MPV17: variants seen among roughly 807,000 people sequenced by gnomAD.
The protein encoded by MPV17 is mitochondrial inner membrane protein MPV17, also known as MPV17, mitochondrial inner membrane protein.
Under a neutral mutation model 28.6 loss-of-function variants are expected in MPV17, and 31 were observed. The ratio of observed to expected loss-of-function variants is 1.08; its 90% CI spans 0.81 to 1.46. MPV17 has a LOEUF of 1.46. MPV17 is among the 40% of genes most tolerant of loss of function. The pLI, the probability that MPV17 is intolerant of heterozygous loss-of-function variation, is 0.00. For synonymous variants in MPV17, 87 were observed against 85.3 expected (o/e 1.02, Z -0.11); for missense variants, 198 against 216.2 (o/e 0.92, Z 0.53).
intron 7 of MPV17, among the ~76,000 whole-genome samples, chr2:27,310,891 C>A (rs899803695): frequency 2.6e-5 from 4 of 151,596 alleles, no homozygotes; most frequent in African/African-American, 7.3e-5. Flanking sequence ...ACTACAGGCA[C>A]CTGCCACCAC....
intron 6 of MPV17, 28 bp downstream of exon 6, chr2:27,312,186 A>G (rs575516637): frequency 1.2e-6 from 2 of 1,611,500 alleles, no homozygotes; most frequent in Admixed American, 1.7e-5. Context: ...GAAGCAGGAG[A>G]ACAAGCAGTT....
intron 2 of MPV17, chr2:27,316,210 G>A (rs2148219490): frequency 1.3e-6 from 2 of 1,550,944 alleles, no homozygotes; most frequent in Admixed American, 2.0e-5. Flanking sequence ...AGAGAAGTGT[G>A]TGTTTTCACT....
At position 27,312,234 on chromosome 2, in the gene MPV17, C is replaced by G. The variant is rs1382428056; in HGVS notation, c.388G>C (p.Ala130Pro). 2 of 1,614,130 alleles carry G rather than the reference C, an allele frequency of 1.2e-6. No individual in the cohort carries two copies. Among genetic ancestry groups the G allele is most frequent in the South Asian group, 2.2e-5 (2 of 91,080 alleles). The change falls in exon 6 of 8, where the codon GCC (alanine) becomes CCC (proline). Residue 130 changes from alanine to proline, a missense_variant. Transcript: ENST00000380044. ...WAKLQRDYPD[A>P]LITNYYLWPA... Reference sequence around the variant, plus strand: ...CTTACATAGTAGTTGGTGATAAGGGCATCAGGATAATCCTGGGGAGACAGA... The same window carrying G: ...CTTACATAGTAGTTGGTGATAAGGGGATCAGGATAATCCTGGGGAGACAGA...
chr2:27,312,583 A>G lies in MPV17; in HGVS notation c.286T>C (p.Phe96Leu). 1.2e-6 allele frequency: 2 copies of G among 1,614,012 alleles called. No homozygotes were observed. The highest frequency in any genetic ancestry group is 1.7e-6 in the Non-Finnish European group (2 of 1,179,900). ...LKKMLLDQGG[F>L]APCFLGCFLP... ...AAGCAGCCTAGAAAACACGGGGCAAAGCCCCCCTAGGGAAGAGAAATTAAA... is the reference window on the plus strand; with the variant it reads ...AAGCAGCCTAGAAAACACGGGGCAAGGCCCCCCTAGGGAAGAGAAATTAAA... The change falls in exon 5 of 8, where the codon TTT becomes CTT. Residue 96 changes from phenylalanine to leucine, a missense_variant. Coordinates refer to ENST00000380044, the MANE Select transcript of MPV17 (RefSeq NM_002437.5).
At chr2:27,313,180 TCTG>T in intron 2 of MPV17, 71 bp from the exon 3 acceptor site, 1 of 1,609,992 alleles carries the variant, frequency 6.2e-7, no homozygotes, top group South Asian at 1.1e-5. Context: ...GGGAGGGACA[TCTG>T]CTGACCTCCA....
At chr2:27,322,597 G>C (rs1558606298) in intron 1 of MPV17, 75 bp from the exon 2 acceptor site, 1 of 1,211,060 alleles carries the variant, frequency 8.3e-7, no homozygotes, top group African/African-American at 1.5e-5. Context: ...ACATTCCCTT[G>C]TGCCCACTCC....
At position 27,311,445 on chromosome 2, in the gene MPV17, C is replaced by T. The variant is rs1430937931; in HGVS notation, c.461+454G>A. 9.2e-5 allele frequency: 72 copies of T among 782,648 alleles called. 1 individual carries two copies. The East Asian group carries it at 1.6e-3, about 17-fold the overall frequency. The allele number at this position is 782,648 out of a possible 1,614,324, so 48.5% of individuals were successfully genotyped here. A position where few individuals can be genotyped will look rare whatever the true frequency, so the allele number is the denominator to read the frequency against. On this transcript the variant is annotated intron_variant, in intron 7 of 7. Transcript: ENST00000380044. ...CGTTCCATATTTTCCCCTGTTCCCA[C>T]GATCCTTCACCTTCAAGCATTTGAA...
chr2:27,315,908 T>C, intron 2 of MPV17: 1 of 1,432,288 alleles, frequency 7.0e-7, no homozygotes. Flanking sequence ...GATGACTTGG[T>C]AAGGAGTGCA....
intron 2 of MPV17, among the ~76,000 whole-genome samples, chr2:27,320,004 G>A (rs1300511348): frequency 6.6e-6 from 1 of 151,338 alleles, no homozygotes; most frequent in African/African-American, 2.4e-5. Flanking sequence ...TTAGGAGGCC[G>A]AGGCGGGTGA....
chr2:27,310,074 T>C (rs1309727459), intron 7 of MPV17, 93 bp from the exon 8 acceptor site: 8 of 964,840 alleles, frequency 8.3e-6, no homozygotes, highest in South Asian at 1.3e-5. Context: ...GGAGGGATCA[T>C]GACAAAGGAT....
rs1215860971 is a variant in MPV17, at chr2:27,315,188, C to T, written c.71-2079G>A. Among the ~76,000 whole-genome samples, 6 of 152,318 alleles carry T rather than the reference C, an allele frequency of 3.9e-5. No homozygotes were observed. In the South Asian group the frequency reaches 8.3e-4, roughly 21 times the overall value. ...AGGTGCTCAGAAAATAAAGGGAAAA[C>T]GTCAAATGTACTGTCCCAAACAGCA... On this transcript the variant is annotated intron_variant, in intron 2 of 7. Coordinates refer to ENST00000380044, the MANE Select transcript of MPV17 (RefSeq NM_002437.5).
chr2:27,323,083 G>A lies in MPV17; in HGVS notation c.-37C>T, dbSNP rs1468519776. 1.2e-5 allele frequency: 2 copies of A among 162,254 alleles called. No individual in the cohort carries two copies. The highest frequency in any genetic ancestry group is 4.8e-5 in the African/African-American group (2 of 41,524). 10.1% of individuals were successfully genotyped at this position (162,254 alleles called of 1,614,324 possible). ...GCCGAGCCTCCCTCCCACGTGACAG[G>A]CTGGCCTAGGAACTTCCGCCACAAG... On this transcript the variant is annotated 5_prime_UTR_variant, in exon 1 of 8. Transcript: ENST00000380044.
rs1250944084 is a variant in MPV17, at chr2:27,312,156, A to G, written c.408+58T>C. On this transcript the variant is annotated intron_variant, in intron 6 of 7. Coordinates refer to ENST00000380044, the MANE Select transcript of MPV17 (RefSeq NM_002437.5). Reference sequence around the variant, plus strand: ...CATGTCAGGAGGACCCCCCAATCCCAGGACAGTTCTAGACTTAAGGAAGCA... The same window carrying G: ...CATGTCAGGAGGACCCCCCAATCCCGGGACAGTTCTAGACTTAAGGAAGCA... The G allele has an allele frequency of 6.9e-6, 11 of 1,584,586 alleles. 1 individual carries two copies. In the Admixed American group the frequency reaches 1.7e-4, roughly 24 times the overall value.
At chr2:27,314,994 T>A (rs1222722543) in intron 2 of MPV17, among the ~76,000 whole-genome samples, 5 of 152,194 alleles carry the variant, frequency 3.3e-5, no homozygotes, top group Non-Finnish European at 5.9e-5. Context: ...CTACTGGCCA[T>A]GGAGCAGCTC....
rs1352723352 is a variant in MPV17, at chr2:27,317,148, G to A, written c.71-4039C>T. The stretch of plus-strand genomic sequence containing the variant: ...AGTGGCTTCTTGGAGTGAGGAGCAG[G>A]AAGCGTGTCCTTCAGTCCAGGAGGC... On this transcript the variant is annotated intron_variant, in intron 2 of 7. Transcript: ENST00000380044. The surrounding 1 kb of genome is among the most constrained non-coding windows in gnomAD (Gnocchi z 4.0). 1.9e-6 allele frequency: 3 copies of A among 1,550,278 alleles called. No homozygotes were observed. The highest frequency in any genetic ancestry group is 1.2e-5 in the South Asian group (1 of 84,044).
chr2:27,312,575 C>A lies in MPV17; in HGVS notation c.294G>T (p.Pro98=). The change falls in exon 5 of 8, where the codon CCG becomes CCT. Residue 98 remains proline (P), a synonymous_variant. Transcript: ENST00000380044. The part of the protein sequence containing the change: ...KMLLDQGGFA[P]CFLGCFLPLV... ...GTGGGAGAAAGCAGCCTAGAAAACACGGGGCAAAGCCCCCCTAGGGAAGAG... is the reference window on the plus strand; with the variant it reads ...GTGGGAGAAAGCAGCCTAGAAAACAAGGGGCAAAGCCCCCCTAGGGAAGAG... 6.2e-7 allele frequency: 1 copy of A among 1,614,098 alleles called. No individual in the cohort carries two copies. Among genetic ancestry groups the A allele is most frequent in the East Asian group, 2.2e-5 (1 of 44,882 alleles).
At chr2:27,322,419 TC>T in intron 2 of MPV17, 28 bp downstream of exon 2, 1 of 1,598,406 alleles carries the variant, frequency 6.3e-7, no homozygotes, top group Non-Finnish European at 8.6e-7. Context: ...TCTGCCCTGG[TC>T]CCACTCAAGT....
rs267607266 is a variant in MPV17, at chr2:27,322,495, TG to T, written c.22del (p.Gln8SerfsTer14). 2 of 1,614,038 alleles carry T rather than the reference TG, an allele frequency of 1.2e-6. No individual in the cohort carries two copies. The highest frequency in any genetic ancestry group is 1.7e-5 in the Admixed American group (1 of 60,036). ...CCACGGGTGAGCGGCCAGGGCCCGC[TG>T]GTATGCCCGCCAGAGTGCCATGCTT... is the stretch of plus-strand genomic sequence containing the variant. MALWRAY[Q>X]RALAAHPWKV... On this transcript the variant is annotated frameshift_variant, in exon 2 of 8. Coordinates refer to ENST00000380044, the MANE Select transcript of MPV17 (RefSeq NM_002437.5). LOFTEE classifies it high-confidence loss of function.
Position 27,320,735 on chromosome 2 carries a change from C to T in MPV17, c.70+1713G>A, listed in dbSNP as rs535011945. ...GGTGCTATGGTTTTAAGATTCAAATCCTGGTCTTCTAAGTCTGAAATCTCT... is the reference window on the plus strand; with the variant it reads ...GGTGCTATGGTTTTAAGATTCAAATTCTGGTCTTCTAAGTCTGAAATCTCT... On this transcript the variant is annotated intron_variant, in intron 2 of 7. Transcript: ENST00000380044. Among the ~76,000 whole-genome samples, 870 of 152,298 alleles carry T rather than the reference C, an allele frequency of 5.7e-3. 6 individuals are homozygous for T. The highest frequency in any genetic ancestry group is 0.02 in the African/African-American group (831 of 41,570).
Sources: gnomAD v4.1 joint callset for allele counts (sites outside exome capture counted in the v4.1 genomes callset) on GRCh38, gnomAD v4.1.1 for gene constraint, Gnocchi (gnomAD v3.1) non-coding constraint, MANE v1.5 for transcripts, NCBI Gene and HGNC (gene_info 2026-07-23, HGNC 2026-07-21) for gene names.